The following CCSER1 variants were observed in gnomAD, a reference collection of about 807,000 sequenced individuals.
The protein encoded by CCSER1 is coiled-coil serine rich protein 1, also known as serine-rich coiled-coil domain-containing protein 1.
A neutral mutation model predicts 82.0 loss-of-function variants in CCSER1; 41 were observed. The ratio of observed to expected loss-of-function variants is 0.50; its 90% CI spans 0.39 to 0.65. The LOEUF (loss-of-function observed/expected upper bound fraction) is 0.65. CCSER1 is among the 30% of genes least tolerant of loss of function. CCSER1 has a pLI of 0.00. For missense variants in CCSER1, 1,119 were observed against 1,064.2 expected (o/e 1.05, Z -0.72); for synonymous variants, 414 against 383.9 (o/e 1.08, Z -0.92).
At chr4:91,462,629 C>T (rs113298992) in intron 10 of CCSER1, among the ~76,000 whole-genome samples, 19,924 of 152,056 alleles carry the variant, frequency 0.13, 1,448 homozygotes, top group African/African-American at 0.19. Context: ...CGGTGCCAGA[C>T]GGCACTTGGA....
intron 10 of CCSER1, among the ~76,000 whole-genome samples, chr4:91,463,224 C>A (rs542300991): frequency 6.6e-6 from 1 of 152,176 alleles, no homozygotes; most frequent in African/African-American, 2.4e-5. Flanking sequence ...CTGCAGCCTC[C>A]GCTGCTGATA....
chr4:90,477,080 C>T (rs910937535), intron 5 of CCSER1, among the ~76,000 whole-genome samples: 13 of 152,054 alleles, frequency 8.5e-5, no homozygotes, highest in Non-Finnish European at 1.5e-4. Flanking sequence ...TTCAATTCCC[C>T]GTGCTAACCT....
At chr4:91,050,290 G>C (rs1046349347) in intron 9 of CCSER1, among the ~76,000 whole-genome samples, 3 of 151,996 alleles carry the variant, frequency 2.0e-5, no homozygotes, top group Non-Finnish European at 2.9e-5. Flanking sequence ...AATGAACCGG[G>C]CATGGTGGCA....
intron 1 of CCSER1, among the ~76,000 whole-genome samples, chr4:90,277,716 T>C (rs931227183): frequency 6.6e-6 from 1 of 150,856 alleles, no homozygotes; most frequent in Non-Finnish European, 1.5e-5. Flanking sequence ...GCCCTCAAAA[T>C]AAAAAAAAAT....
At chr4:91,484,961 G>T (rs942240904) in intron 10 of CCSER1, among the ~76,000 whole-genome samples, 1 of 152,036 alleles carries the variant, frequency 6.6e-6, no homozygotes, top group Non-Finnish European at 1.5e-5. Flanking sequence ...AGTGATTTTA[G>T]AAATTTTTGA....
intron 4 of CCSER1, among the ~76,000 whole-genome samples, chr4:90,425,299 T>C (rs575490865): frequency 6.6e-6 from 1 of 152,138 alleles, no homozygotes; most frequent in Admixed American, 6.5e-5. Context: ...CAGTTGAAAA[T>C]GCATGAAGGA....
At chr4:91,553,769 C>A (rs1227600283) in intron 10 of CCSER1, among the ~76,000 whole-genome samples, 1 of 150,526 alleles carries the variant, frequency 6.6e-6, no homozygotes, top group Non-Finnish European at 1.5e-5. Context: ...GTAGAGTCTT[C>A]TTCTCTTTCA....
At chr4:90,586,208 G>A (rs1397478362) in intron 5 of CCSER1, among the ~76,000 whole-genome samples, 1 of 152,078 alleles carries the variant, frequency 6.6e-6, no homozygotes, top group African/African-American at 2.4e-5. Flanking sequence ...CTGCACATGC[G>A]AGGGACCTAG....
At chr4:91,136,508 G>C (rs1347136641) in intron 10 of CCSER1, among the ~76,000 whole-genome samples, 1 of 152,016 alleles carries the variant, frequency 6.6e-6, no homozygotes, top group Non-Finnish European at 1.5e-5. Flanking sequence ...ACCTACAATG[G>C]ATACCCTAAA....
chr4:91,027,588 C>G (rs971490817), intron 9 of CCSER1, among the ~76,000 whole-genome samples: 1 of 151,988 alleles, frequency 6.6e-6, no homozygotes, highest in Non-Finnish European at 1.5e-5. Context: ...ACCTGTCATT[C>G]TCACAGCCCT....
chr4:90,578,855 T>C (rs954789737), intron 5 of CCSER1, among the ~76,000 whole-genome samples: 11 of 152,184 alleles, frequency 7.2e-5, no homozygotes. Context: ...TTATAGATTG[T>C]ATCTACTTCA....
At chr4:90,786,160 C>T (rs561081924) in intron 7 of CCSER1, among the ~76,000 whole-genome samples, 28 of 152,212 alleles carry the variant, frequency 1.8e-4, no homozygotes, top group East Asian at 1.7e-3. Flanking sequence ...GATAGAAAGA[C>T]GATGGCTCCT....
chr4:90,329,247 A>ATTC (rs746941430), intron 3 of CCSER1, among the ~76,000 whole-genome samples: 2,684 of 152,252 alleles, frequency 0.018, 41 homozygotes, highest in Non-Finnish European at 0.026. Context: ...TGATTTGGGA[A>ATTC]AGGACACTGA....
intron 1 of CCSER1, among the ~76,000 whole-genome samples, chr4:90,150,547 A>G (rs747642532): frequency 6.6e-6 from 1 of 152,252 alleles, no homozygotes; most frequent in South Asian, 2.1e-4. Context: ...TTACCAGCTC[A>G]TGAAGCATTT....
chr4:90,437,179 G>GAGA (rs1201840062), intron 4 of CCSER1, among the ~76,000 whole-genome samples: 1 of 152,014 alleles, frequency 6.6e-6, no homozygotes, highest in Non-Finnish European at 1.5e-5. Context: ...AGAGAAACAA[G>GAGA]TACTCATTTT....
At chr4:91,168,478 C>T (rs1424521229) in intron 10 of CCSER1, among the ~76,000 whole-genome samples, 44 of 147,694 alleles carry the variant, frequency 3.0e-4, no homozygotes, top group African/African-American at 8.6e-4. Context: ...GCCCAGCAGC[C>T]GCCCCGTCTG....
chr4:90,194,595 G>A (rs1467523968), intron 1 of CCSER1, among the ~76,000 whole-genome samples: 3 of 151,836 alleles, frequency 2.0e-5, no homozygotes, highest in African/African-American at 7.3e-5. Flanking sequence ...ATACAAATTT[G>A]GCCATGTAAA....
chr4:90,303,409 G>T (rs1733564114), intron 1 of CCSER1, among the ~76,000 whole-genome samples: 1 of 151,982 alleles, frequency 6.6e-6, no homozygotes, highest in South Asian at 2.1e-4. Flanking sequence ...TATACTACAA[G>T]GCTACAGTAA....
chr4:90,751,138 C>T (rs1748578258), intron 7 of CCSER1, among the ~76,000 whole-genome samples: 1 of 151,966 alleles, frequency 6.6e-6, no homozygotes, highest in African/African-American at 2.4e-5. Flanking sequence ...CTCCTTCAGC[C>T]AAATATAAAC....
Sources: gnomAD v4.1 joint callset for allele counts (sites outside exome capture counted in the v4.1 genomes callset) on GRCh38, gnomAD v4.1.1 for gene constraint, MANE v1.5 for transcripts, NCBI Gene and HGNC (gene_info 2026-07-23, HGNC 2026-07-21) for gene names.